Variants in CHD9 observed in about 807,000 individuals in gnomAD.
CHD9 encodes the protein ATP-dependent chromatin remodeler CHD9.
A neutral mutation model predicts 316.1 loss-of-function variants in CHD9; 77 were observed. That is an observed-to-expected ratio of 0.24 (90% CI 0.20 to 0.29). CHD9 has a LOEUF of 0.29. Among genes scored for constraint, CHD9 ranks in the 10% least tolerant of loss-of-function variants. CHD9 has a pLI of 1.00. For synonymous variants in CHD9, 1,129 were observed against 1,158.3 expected, an observed-to-expected ratio of 0.97 and a Z score of 0.51; for missense variants, 2,763 against 3,438.1, an observed-to-expected ratio of 0.80 and a Z score of 4.91.
At chr16:53,265,725 G>A (rs1403394358) in intron 20 of CHD9, among the ~76,000 whole-genome samples, 3 of 152,112 alleles carry the variant, frequency 2.0e-5, no homozygotes, top group South Asian at 4.1e-4. Flanking sequence ...AAATATTTGG[G>A]TGGGAAAACA....
intron 22 of CHD9, 69 bp downstream of exon 22, chr16:53,268,195 C>G (rs930147041): frequency 1.0e-4 from 105 of 1,042,900 alleles, no homozygotes; most frequent in Non-Finnish European, 1.3e-4. Flanking sequence ...AACATATTCT[C>G]CTATAAAATA....
intron 38 of CHD9, among the ~76,000 whole-genome samples, chr16:53,321,950 A>G (rs1010232176): frequency 2.0e-5 from 3 of 151,276 alleles, no homozygotes; most frequent in Non-Finnish European, 4.4e-5. Flanking sequence ...ATAAATTAAT[A>G]GTTCATTAAG....
chr16:53,308,338 T>G (rs764760241), intron 33 of CHD9, among the ~76,000 whole-genome samples: 17 of 152,200 alleles, frequency 1.1e-4, no homozygotes, highest in Non-Finnish European at 2.4e-4. Flanking sequence ...AACTTATTAC[T>G]TAGTGTCTAA....
intron 2 of CHD9, among the ~76,000 whole-genome samples, chr16:53,164,026 T>C (rs1379889040): frequency 6.6e-6 from 1 of 152,238 alleles, no homozygotes; most frequent in Non-Finnish European, 1.5e-5. Context: ...ATGGCCATAC[T>C]GGATTCAAAC....
In CHD9 at chr16:53,247,502, A is replaced by G; in HGVS notation, c.3664A>G (p.Arg1222Gly). 1.3e-6 allele frequency: 2 copies of G among 1,583,998 alleles called. 1 individual carries two copies. The change falls in exon 16 of 39, where the codon AGA becomes GGA. Residue 1222 changes from arginine (R) to glycine (G), a missense_variant and splice_region_variant. This residue lies in a region of CHD9 where 39 missense variants were observed against 40.4 expected (regional missense o/e 0.97). Transcript: ENST00000447540. ...DILEDYLIHK[R>G]YLYERIDGRV... The stretch of plus-strand genomic sequence containing the variant: ...TCTGGAGGACTATCTCATACATAAA[A>G]GGTAAAGCATACTGAATTTACTGTG...
At chr16:53,126,213 T>C (rs2152667393) in intron 1 of CHD9, among the ~76,000 whole-genome samples, 1 of 152,342 alleles carries the variant, frequency 6.6e-6, no homozygotes, top group South Asian at 2.1e-4. Context: ...CCTTTTGGTT[T>C]ATTGTTTTGT....
intron 27 of CHD9, among the ~76,000 whole-genome samples, chr16:53,291,171 G>T (rs1013984276): frequency 2.6e-5 from 4 of 152,154 alleles, no homozygotes; most frequent in African/African-American, 9.7e-5. Flanking sequence ...CTAACTTCAG[G>T]CTTTTTTAAA....
At chr16:53,174,281 A>AC (rs571494985) in intron 2 of CHD9, among the ~76,000 whole-genome samples, 29 of 152,232 alleles carry the variant, frequency 1.9e-4, no homozygotes, top group Middle Eastern at 6.8e-3. Context: ...ATGGAGTGAA[A>AC]CCCTGTCTCA....
At chr16:53,272,029 C>T (rs1402485618) in intron 22 of CHD9, among the ~76,000 whole-genome samples, 4 of 152,000 alleles carry the variant, frequency 2.6e-5, no homozygotes, top group Admixed American at 2.6e-4. Context: ...CATATGTATG[C>T]AGCCTATGTA....
intron 1 of CHD9, among the ~76,000 whole-genome samples, chr16:53,103,007 G>A (rs910368583): frequency 3.0e-4 from 46 of 151,642 alleles, no homozygotes; most frequent in Middle Eastern, 3.4e-3. Context: ...CACCACCCCT[G>A]GCTAATTTTT....
Position 53,156,972 on chromosome 16 carries a change from T to G in CHD9, c.883T>G (p.Ser295Ala), listed in dbSNP as rs367557277. The change falls in exon 2 of 39, where the codon TCT becomes GCT. Residue 295 changes from serine (S) to alanine (A), a missense_variant. Physicochemically the swap from Ser to Ala is moderately conservative, Grantham distance 99. Around this residue, in one of 15 missense-constraint regions of CHD9, gnomAD observed 859 missense variants for 890.4 expected, o/e 0.96. Coordinates refer to ENST00000447540, the MANE Select transcript of CHD9 (RefSeq NM_001308319.2). ...SLLQSSAVLA[S>A]NHTNQTLSDF... ...ACTTCAGTCCTCTGCAGTTCTTGCA[T>G]CTAATCATACAAATCAGACTTTATC... 1.1e-5 allele frequency: 17 copies of G among 1,613,036 alleles called. No individual in the cohort carries two copies. In the African/African-American group the frequency reaches 2.3e-4, roughly 22 times the overall value.
At chr16:53,209,874 C>G (rs1407752591) in intron 3 of CHD9, 61 bp downstream of exon 3, 2 of 1,160,146 alleles carry the variant, frequency 1.7e-6, no homozygotes, top group African/African-American at 1.6e-5. Flanking sequence ...TCAAACTGTC[C>G]AACCATCTAC....
At chr16:53,311,053 G>A (rs2056435569) in intron 34 of CHD9, 3 of 151,592 alleles carry the variant, frequency 2.0e-5, no homozygotes, top group African/African-American at 7.3e-5. Context: ...GGATATGGTG[G>A]TGTGCCCCTG....
chr16:53,320,628 A>C (rs2057212612), intron 37 of CHD9, among the ~76,000 whole-genome samples: 2 of 152,168 alleles, frequency 1.3e-5, no homozygotes, highest in Admixed American at 1.3e-4. Flanking sequence ...TAGAAGAAGA[A>C]ATTACTCAAG....
chr16:53,116,069 T>C (rs1191564324), intron 1 of CHD9, among the ~76,000 whole-genome samples: 1 of 152,178 alleles, frequency 6.6e-6, no homozygotes, highest in Non-Finnish European at 1.5e-5. Context: ...TTTTGCTTTT[T>C]TTCTTTTTGA....
At chr16:53,133,295 C>G (rs1240805665) in intron 1 of CHD9, among the ~76,000 whole-genome samples, 2 of 152,034 alleles carry the variant, frequency 1.3e-5, no homozygotes, top group Non-Finnish European at 1.5e-5. Context: ...AAAAGCAATG[C>G]TAGTCAAAAA....
chr16:53,229,134 G>T lies in CHD9; in HGVS notation c.2286+34G>T, dbSNP rs754533135. ...AAAATAAATAAGACTATTATGTGTTGGTCTCTGAATACATGTAGCATTATT... is the reference window on the plus strand; with the variant it reads ...AAAATAAATAAGACTATTATGTGTTTGTCTCTGAATACATGTAGCATTATT... On this transcript the variant is annotated intron_variant, in intron 8 of 38. Transcript: ENST00000447540. 3 of 1,105,452 alleles carry T rather than the reference G, an allele frequency of 2.7e-6. No homozygotes were observed. In the South Asian group the frequency reaches 4.5e-5, roughly 17 times the overall value. The allele number at this position is 1,105,452 out of a possible 1,614,324, so 68.5% of individuals were successfully genotyped here.
chr16:53,250,793 T>G (rs2050065831), intron 17 of CHD9: 1 of 152,078 alleles, frequency 6.6e-6, no homozygotes, highest in Non-Finnish European at 1.5e-5. Flanking sequence ...ATCATAGTCT[T>G]AATTGCATTG....
At position 53,156,541 on chromosome 16, in the gene CHD9, A is replaced by G; in HGVS notation, c.452A>G (p.His151Arg). ...FHQQGHSHSMHQNKSFVAHHD... is the reference protein window; with the variant it reads ...FHQQGHSHSMRQNKSFVAHHD... Reference sequence around the variant, plus strand: ...CAACAAGGACATTCACACTCTATGCATCAAAATAAAAGCTTTGTGGCACAC... The same window carrying G: ...CAACAAGGACATTCACACTCTATGCGTCAAAATAAAAGCTTTGTGGCACAC... Residue 151 changes from histidine (H) to arginine (R), a missense_variant, in exon 2 of 39, where the codon CAT (histidine) becomes CGT (arginine). By Grantham distance (29) the His-to-Arg change is conservative. This residue lies in a region of CHD9 where 859 missense variants were observed against 890.4 expected (regional missense o/e 0.96). Coordinates refer to ENST00000447540, the MANE Select transcript of CHD9 (RefSeq NM_001308319.2). 9.3e-6 allele frequency: 15 copies of G among 1,613,990 alleles called. No individual in the cohort carries two copies. Among genetic ancestry groups the G allele is most frequent in the Non-Finnish European group, 1.3e-5 (15 of 1,179,880 alleles).
Sources: allele counts gnomAD v4.1 joint callset (sites outside exome capture counted in the v4.1 genomes callset), GRCh38; gene constraint gnomAD v4.1.1; regional missense constraint gnomAD v4.1.1; transcripts MANE v1.5; gene names NCBI Gene and HGNC (gene_info 2026-07-23, HGNC 2026-07-21).